The following PACS1 variants were observed in gnomAD, a reference collection of about 807,000 sequenced individuals.
PACS1 encodes the protein PACS-1.
Under a neutral mutation model 115.0 loss-of-function variants are expected in PACS1, and 24 were observed. The observed-to-expected ratio is 0.21, with a 90% CI of 0.15 to 0.29. PACS1 has a LOEUF of 0.29. PACS1 is among the 10% of genes least tolerant of loss of function. The pLI, the probability that PACS1 is intolerant of heterozygous loss-of-function variation, is 1.00. For synonymous variants in PACS1, 453 were observed against 504.5 expected, an observed-to-expected ratio of 0.90 and a Z score of 1.37; for missense variants, 838 against 1,251.2, an observed-to-expected ratio of 0.67 and a Z score of 4.98.
chr11:66,080,888 T>C (rs915858333), intron 1 of PACS1, among the ~76,000 whole-genome samples: 2 of 152,108 alleles, frequency 1.3e-5, no homozygotes, highest in Non-Finnish European at 2.9e-5. Flanking sequence ...CTGGACAAGT[T>C]TTTAACCTCT....
At position 66,160,949 on chromosome 11, in the gene PACS1, C is replaced by G. The variant is rs1859474616; in HGVS notation, c.357-32537C>G. ...GAACATGGACTCTGAAGCCACCTACCTGGGTTCATATTCAGGTCCCGCTGT... is the reference window on the plus strand; with the variant it reads ...GAACATGGACTCTGAAGCCACCTACGTGGGTTCATATTCAGGTCCCGCTGT... On this transcript the variant is annotated intron_variant, in intron 1 of 23. Transcript: ENST00000320580. 2.0e-5 allele frequency among the ~76,000 whole-genome samples: 3 copies of G among 152,126 alleles called. No homozygotes were observed. In the South Asian group the frequency reaches 6.2e-4, roughly 31 times the overall value.
At chr11:66,182,961 C>A (rs534832832) in intron 1 of PACS1, among the ~76,000 whole-genome samples, 63 of 152,224 alleles carry the variant, frequency 4.1e-4, no homozygotes, top group African/African-American at 1.5e-3. Context: ...GAAACCTCGT[C>A]TCTACTAAAA....
At chr11:66,141,328 G>A (rs1858981374) in intron 1 of PACS1, among the ~76,000 whole-genome samples, 1 of 151,904 alleles carries the variant, frequency 6.6e-6, no homozygotes, top group Non-Finnish European at 1.5e-5. Context: ...GTCTCGCCGT[G>A]TGGCCCAGGC....
intron 5 of PACS1, 78 bp from the exon 6 acceptor site, chr11:66,216,442 C>A: frequency 1.4e-6 from 2 of 1,456,142 alleles, no homozygotes; most frequent in Non-Finnish European, 1.9e-6. Flanking sequence ...CAAAGAGAAC[C>A]ATTGATTCCA....
chr11:66,219,929 C>T (rs907153741), intron 8 of PACS1, 124 bp downstream of exon 8: 11 of 783,742 alleles, frequency 1.4e-5, no homozygotes, highest in Non-Finnish European at 2.2e-5. Context: ...TCCTGCTCCC[C>T]GTGGCATACC....
chr11:66,095,186 G>A (rs1289836748), intron 1 of PACS1, among the ~76,000 whole-genome samples: 2 of 151,238 alleles, frequency 1.3e-5, no homozygotes, highest in Non-Finnish European at 3.0e-5. Context: ...AGTGTTGGAA[G>A]TTCTGGCCAG....
rs1238577848 is a variant in PACS1 at position 66,070,600 on chromosome 11, G to C, written c.114G>C (p.Gln38His). The change falls in exon 1 of 24, where the codon CAG (glutamine) becomes CAC (histidine). Residue 38 changes from glutamine to histidine, a missense_variant. Transcript: ENST00000320580. This position sits in a 1 kb window ranked among gnomAD's most constrained non-coding sequence, Gnocchi z 5.9. ...SPQQPPPQQQ[Q>H]QQPPQQPTPP... ...AGCAGCCGCCGCCGCAGCAGCAGCA[G>C]CAGCAGCCGCCGCAGCAGCCGACGC... 2.0e-6 allele frequency: 3 copies of C among 1,518,242 alleles called. No individual in the cohort carries two copies. The highest frequency in any genetic ancestry group is 2.6e-6 in the Non-Finnish European group (3 of 1,141,884). The allele number at this position is 1,518,242 out of a possible 1,614,324, so 94.0% of individuals were successfully genotyped here. A position where few individuals can be genotyped will look rare whatever the true frequency, so the allele number is the denominator to read the frequency against.
At chr11:66,083,722 C>T (rs763383879) in intron 1 of PACS1, among the ~76,000 whole-genome samples, 4 of 152,130 alleles carry the variant, frequency 2.6e-5, no homozygotes, top group Non-Finnish European at 4.4e-5. Flanking sequence ...CTGTTTAGGA[C>T]TGTGGCTCTG....
At chr11:66,078,988 A>G (rs1408631759) in intron 1 of PACS1, among the ~76,000 whole-genome samples, 1 of 151,238 alleles carries the variant, frequency 6.6e-6, no homozygotes, top group Non-Finnish European at 1.5e-5. Context: ...GCTCACTGCA[A>G]CCTCTGTCTC....
chr11:66,153,506 G>A (rs1366469363), intron 1 of PACS1, among the ~76,000 whole-genome samples: 1 of 152,100 alleles, frequency 6.6e-6, no homozygotes, highest in Non-Finnish European at 1.5e-5. Context: ...ACCTGGCCAG[G>A]CGCGGTGGCT....
intron 1 of PACS1, among the ~76,000 whole-genome samples, chr11:66,167,210 C>A (rs1859625283): frequency 6.7e-6 from 1 of 150,190 alleles, no homozygotes; most frequent in Non-Finnish European, 1.5e-5. Flanking sequence ...CATGGAGCGT[C>A]TGTTCATGTC....
At chr11:66,168,060 C>G (rs1423010265) in intron 1 of PACS1, among the ~76,000 whole-genome samples, 1 of 150,260 alleles carries the variant, frequency 6.7e-6, no homozygotes, top group Non-Finnish European at 1.5e-5. Context: ...ACCACCATGC[C>G]TGGCTACTTT....
intron 19 of PACS1, chr11:66,238,491 T>G (rs934072767): frequency 2.4e-5 from 7 of 289,108 alleles, no homozygotes; most frequent in African/African-American, 4.5e-5. Context: ...TTTTATTTAC[T>G]TATTTATTTG....
chr11:66,201,893 A>G (rs1005639928), intron 2 of PACS1, among the ~76,000 whole-genome samples: 26 of 152,070 alleles, frequency 1.7e-4, no homozygotes, highest in African/African-American at 6.3e-4. Context: ...TCCCAGCCTC[A>G]GGTGATCTGC....
rs140704946 is a variant in PACS1, at chr11:66,236,320, A to T, written c.2250+380A>T. ...GGTCCATCACTGATGTCTCCTGTTT[A>T]TTACACCAGGCCCTGACCTCGCTGC... On this transcript the variant is annotated intron_variant, in intron 19 of 23. Coordinates refer to ENST00000320580, the MANE Select transcript of PACS1 (RefSeq NM_018026.4). The surrounding 1 kb of genome is among the most constrained non-coding windows in gnomAD (Gnocchi z 4.2). Among the ~76,000 whole-genome samples the T allele has an allele frequency of 4.6e-5, 7 of 152,264 alleles. No individual in the cohort carries two copies. In the East Asian group the frequency reaches 1.4e-3, roughly 29 times the overall value.
At chr11:66,122,706 G>T (rs1420705411) in intron 1 of PACS1, among the ~76,000 whole-genome samples, 3 of 152,172 alleles carry the variant, frequency 2.0e-5, no homozygotes, top group African/African-American at 4.8e-5. Flanking sequence ...AATGGCAAGA[G>T]AACTAGAATT....
chr11:66,232,936 TG>T, intron 14 of PACS1, 23 bp from the exon 15 acceptor site: 1 of 1,567,978 alleles, frequency 6.4e-7, no homozygotes, highest in South Asian at 1.1e-5. Flanking sequence ...CCTGTGTCCC[TG>T]CTCTCCTCCC....
intron 1 of PACS1, among the ~76,000 whole-genome samples, chr11:66,183,929 A>T (rs1394900256): frequency 2.6e-5 from 4 of 152,298 alleles, no homozygotes. Context: ...TGGCAATGGT[A>T]AACTAACATA....
At chr11:66,123,510 T>A (rs1409816577) in intron 1 of PACS1, among the ~76,000 whole-genome samples, 1 of 151,168 alleles carries the variant, frequency 6.6e-6, no homozygotes, top group Non-Finnish European at 1.5e-5. Flanking sequence ...CATTTTTATT[T>A]TTTTATTTTA....
Sources: gnomAD v4.1 joint callset for allele counts (sites outside exome capture counted in the v4.1 genomes callset) on GRCh38, gnomAD v4.1.1 for gene constraint, Gnocchi (gnomAD v3.1) non-coding constraint, MANE v1.5 for transcripts, NCBI Gene and HGNC (gene_info 2026-07-23, HGNC 2026-07-21) for gene names.